Variants in KIF26B observed in about 807,000 individuals in gnomAD.
KIF26B encodes the protein kinesin family member 26B.
Under a neutral mutation model 151.2 loss-of-function variants are expected in KIF26B, and 63 were observed. That is an observed-to-expected ratio of 0.42 (90% CI 0.34 to 0.51). KIF26B has a LOEUF of 0.51. Among genes scored for constraint, KIF26B ranks in the 20% least tolerant of loss-of-function variants. The probability of loss-of-function intolerance (pLI) is 0.07; values close to 1 mark genes in which losing one functional copy is unlikely to be tolerated. For synonymous variants in KIF26B, 1,357 were observed against 1,262.1 expected (o/e 1.08, Z -1.59); for missense variants, 2,813 against 2,913.6 (o/e 0.97, Z 0.79).
chr1:245,397,936 A>G (rs1673889980), intron 3 of KIF26B, among the ~76,000 whole-genome samples: 1 of 152,206 alleles, frequency 6.6e-6, no homozygotes, highest in African/African-American at 2.4e-5. Context: ...CTGCTCTCAA[A>G]TTTCTTGCAT....
intron 2 of KIF26B, among the ~76,000 whole-genome samples, chr1:245,197,482 GT>G (rs1044222087): frequency 9.2e-5 from 14 of 151,612 alleles, no homozygotes; most frequent in Non-Finnish European, 2.1e-4. Flanking sequence ...TTATAACTTT[GT>G]TTTTTTTACA....
chr1:245,156,204 G>A, intron 1 of KIF26B, 78 bp from the exon 2 acceptor site: 1 of 1,489,152 alleles, frequency 6.7e-7, no homozygotes, highest in Non-Finnish European at 8.9e-7. Flanking sequence ...GGTACTTGGT[G>A]GCGCACGTAT....
At chr1:245,176,301 C>T (rs1018289401) in intron 2 of KIF26B, among the ~76,000 whole-genome samples, 1 of 152,088 alleles carries the variant, frequency 6.6e-6, no homozygotes, top group African/African-American at 2.4e-5. Flanking sequence ...ATTACAGGTG[C>T]CTTGAAGGCG....
At chr1:245,688,950 C>T (rs2044583104) in intron 12 of KIF26B, 143 bp downstream of exon 12, 2 of 1,121,002 alleles carry the variant, frequency 1.8e-6, no homozygotes, top group Non-Finnish European at 2.4e-6. Flanking sequence ...CTGCCCAAAC[C>T]CCACTGCCAG....
intron 4 of KIF26B, among the ~76,000 whole-genome samples, chr1:245,431,996 C>A (rs558335441): frequency 1.3e-5 from 2 of 152,052 alleles, no homozygotes; most frequent in African/African-American, 4.8e-5. Flanking sequence ...ATTCCCTCCC[C>A]CTAGGCTTTG....
At chr1:245,289,861 C>G (rs1671227625) in intron 2 of KIF26B, among the ~76,000 whole-genome samples, 1 of 152,100 alleles carries the variant, frequency 6.6e-6, no homozygotes, top group Non-Finnish European at 1.5e-5. Flanking sequence ...AGTAGCAACC[C>G]TCTGCTTAGA....
At chr1:245,470,102 T>C (rs755807373) in intron 4 of KIF26B, among the ~76,000 whole-genome samples, 1 of 152,030 alleles carries the variant, frequency 6.6e-6, no homozygotes, top group African/African-American at 2.4e-5. Context: ...CCACACACAC[T>C]GATTGTTCAG....
At chr1:245,531,439 G>A (rs941573939) in intron 4 of KIF26B, among the ~76,000 whole-genome samples, 1 of 152,108 alleles carries the variant, frequency 6.6e-6, no homozygotes, top group African/African-American at 2.4e-5. Context: ...AACCCGTAAT[G>A]TGTGGTACAA....
intron 2 of KIF26B, among the ~76,000 whole-genome samples, chr1:245,238,460 C>T (rs945046625): frequency 3.9e-5 from 6 of 152,126 alleles, no homozygotes; most frequent in East Asian, 1.9e-4. Flanking sequence ...TTTTCCATAT[C>T]GTGTTGCAGA....
At chr1:245,417,751 C>T (rs1674454706) in intron 3 of KIF26B, among the ~76,000 whole-genome samples, 1 of 152,358 alleles carries the variant, frequency 6.6e-6, no homozygotes, top group Non-Finnish European at 1.5e-5. Context: ...AATCTGGACC[C>T]ACCCAGAAAG....
chr1:245,451,037 CTT>C (rs199695450), intron 4 of KIF26B, among the ~76,000 whole-genome samples: 2 of 151,786 alleles, frequency 1.3e-5, no homozygotes, highest in Admixed American at 6.6e-5. Context: ...GAAACTTTGA[CTT>C]TTGTTTTTTT....
chr1:245,283,303 C>T (rs913331357), intron 2 of KIF26B, among the ~76,000 whole-genome samples: 8 of 152,152 alleles, frequency 5.3e-5, no homozygotes, highest in East Asian at 1.9e-4. Flanking sequence ...GCCCAATCCG[C>T]GCAAGCCCAA....
At chr1:245,459,148 G>T (rs972092388) in intron 4 of KIF26B, among the ~76,000 whole-genome samples, 2 of 152,166 alleles carry the variant, frequency 1.3e-5, no homozygotes, top group Non-Finnish European at 2.9e-5. Context: ...CAGCAGGAAT[G>T]CATTTCTCTT....
intron 2 of KIF26B, among the ~76,000 whole-genome samples, chr1:245,362,087 G>T (rs1187318324): frequency 6.6e-6 from 1 of 151,784 alleles, no homozygotes. Flanking sequence ...CTGCTGTGTA[G>T]ATTCAGGGGC....
chr1:245,408,665 C>CT (rs1305626636), intron 3 of KIF26B, among the ~76,000 whole-genome samples: 4 of 152,092 alleles, frequency 2.6e-5, no homozygotes, highest in Non-Finnish European at 4.4e-5. Flanking sequence ...CCAAATGATT[C>CT]TTTTTTTTAA....
At chr1:245,361,162 T>C (rs1672809388) in intron 2 of KIF26B, among the ~76,000 whole-genome samples, 1 of 152,210 alleles carries the variant, frequency 6.6e-6, no homozygotes, top group Admixed American at 6.6e-5. Context: ...CTTTTTCACA[T>C]GTTGCAGCAA....
intron 5 of KIF26B, among the ~76,000 whole-genome samples, chr1:245,584,079 C>A (rs556665007): frequency 6.6e-6 from 1 of 152,144 alleles, no homozygotes; most frequent in Non-Finnish European, 1.5e-5. Context: ...TGGGGCCTGG[C>A]GGGAGGTGAC....
chr1:245,410,425 C>G (rs1674248731), intron 3 of KIF26B, among the ~76,000 whole-genome samples: 1 of 152,142 alleles, frequency 6.6e-6, no homozygotes, highest in Admixed American at 6.5e-5. Flanking sequence ...ACAAGTAACA[C>G]TCTGGTGTTG....
intron 9 of KIF26B, among the ~76,000 whole-genome samples, chr1:245,634,714 T>TA (rs1301627414): frequency 2.0e-5 from 3 of 152,110 alleles, no homozygotes; most frequent in Non-Finnish European, 2.9e-5. Context: ...TGTTGCTAGA[T>TA]ACAATATTTT....
Sources: gnomAD v4.1 joint callset for allele counts (sites outside exome capture counted in the v4.1 genomes callset) on GRCh38, gnomAD v4.1.1 for gene constraint, MANE v1.5 for transcripts, NCBI Gene and HGNC (gene_info 2026-07-23, HGNC 2026-07-21) for gene names.